The following USH2A variants were observed in gnomAD, a reference collection of about 807,000 sequenced individuals.
The protein encoded by USH2A is Usher syndrome 2A (autosomal recessive, mild).
USH2A carries 443 observed loss-of-function variants against 538.9 expected under a neutral mutation model. That is an observed-to-expected ratio of 0.82 (90% CI 0.76 to 0.89). The LOEUF (loss-of-function observed/expected upper bound fraction) is 0.89. Ranked by LOEUF, USH2A falls within the 40% of genes least tolerant of loss-of-function variation. The pLI, the probability that USH2A is intolerant of heterozygous loss-of-function variation, is 0.00. For synonymous variants in USH2A, 2,413 were observed against 2,273.5 expected, an observed-to-expected ratio of 1.06 and a Z score of -1.75; for missense variants, 6,633 against 6,324.8, an observed-to-expected ratio of 1.05 and a Z score of -1.65.
chr1:215,700,901 G>A (rs1658991847), intron 61 of USH2A, among the ~76,000 whole-genome samples: 1 of 152,088 alleles, frequency 6.6e-6, no homozygotes, highest in Admixed American at 6.6e-5. Context: ...TGTGATGTTA[G>A]GGTGTTGATT....
chr1:215,830,466 G>A (rs149928277), intron 47 of USH2A, among the ~76,000 whole-genome samples: 113 of 151,676 alleles, frequency 7.5e-4, no homozygotes, highest in African/African-American at 2.6e-3. Context: ...TTTTTTTCTC[G>A]AATTCCTCTT....
intron 21 of USH2A, among the ~76,000 whole-genome samples, chr1:216,153,002 C>A (rs1052685862): frequency 6.6e-6 from 1 of 152,150 alleles, no homozygotes; most frequent in Non-Finnish European, 1.5e-5. Flanking sequence ...GAGAGGATTT[C>A]GGCTGGGGTT....
At chr1:216,286,002 T>C (rs1443475777) in intron 11 of USH2A, among the ~76,000 whole-genome samples, 1 of 152,200 alleles carries the variant, frequency 6.6e-6, no homozygotes, top group East Asian at 1.9e-4. Context: ...AGAAGGGACA[T>C]GCCTTGCCTC....
chr1:215,887,934 A>G (rs1357221266), intron 41 of USH2A, among the ~76,000 whole-genome samples: 1 of 152,236 alleles, frequency 6.6e-6, no homozygotes, highest in Non-Finnish European at 1.5e-5. Context: ...TATCCTGTCC[A>G]CTAGAGTTCA....
chr1:216,192,342 CT>C (rs908549501), intron 19 of USH2A, among the ~76,000 whole-genome samples: 3 of 152,120 alleles, frequency 2.0e-5, no homozygotes, highest in Admixed American at 2.0e-4. Context: ...TGTTCTGCTA[CT>C]TTTGATTTCA....
At position 215,675,062 on chromosome 1, in the gene USH2A, A is replaced by G. The variant is rs1657967767; in HGVS notation, c.12849T>C (p.Ile4283=). Residue 4283 remains isoleucine, a synonymous_variant, in exon 63 of 72, where the codon ATT becomes ATC. Coordinates refer to ENST00000307340, the MANE Select transcript of USH2A (RefSeq NM_206933.4). ...YVSMNPQKLL[I]SWIPPEQSNG... ...TAGACTGTTCTGGTGGGATCCAGGA[A>G]ATCAGCAGTTTTTGGGGATTCATAG... 1 of 1,614,146 alleles carries G rather than the reference A, an allele frequency of 6.2e-7. No individual in the cohort carries two copies.
chr1:216,202,327 G>A (rs2035018282), intron 16 of USH2A, among the ~76,000 whole-genome samples: 1 of 152,174 alleles, frequency 6.6e-6, no homozygotes, highest in African/African-American at 2.4e-5. Context: ...TACAAGAGCA[G>A]TCTACTTAAT....
intron 21 of USH2A, among the ~76,000 whole-genome samples, chr1:216,173,541 G>C (rs1445002773): frequency 6.6e-6 from 1 of 152,148 alleles, no homozygotes; most frequent in African/African-American, 2.4e-5. Flanking sequence ...TAGACAGAAG[G>C]ATCCTGCTTA....
chr1:216,059,840 G>A (rs2102536877), intron 30 of USH2A, among the ~76,000 whole-genome samples: 1 of 152,200 alleles, frequency 6.6e-6, no homozygotes, highest in African/African-American at 2.4e-5. Flanking sequence ...TCTATATGGG[G>A]CATGACAGAG....
At chr1:216,087,653 G>C (rs1194674996) in intron 23 of USH2A, among the ~76,000 whole-genome samples, 1 of 152,092 alleles carries the variant, frequency 6.6e-6, no homozygotes, top group Non-Finnish European at 1.5e-5. Context: ...GCATGAGCTA[G>C]ATTTAGCCCA....
At chr1:216,197,431 T>G (rs571320331) in intron 18 of USH2A, among the ~76,000 whole-genome samples, 20 of 152,254 alleles carry the variant, frequency 1.3e-4, no homozygotes, top group African/African-American at 4.6e-4. Context: ...TTTCTGACCT[T>G]GATTTTCCCC....
At chr1:216,009,927 T>C (rs1043840869) in intron 32 of USH2A, among the ~76,000 whole-genome samples, 12 of 152,122 alleles carry the variant, frequency 7.9e-5, no homozygotes, top group Admixed American at 5.2e-4. Flanking sequence ...CTGTTTTTCA[T>C]CAAATATAAA....
chr1:215,691,981 C>T (rs962333172), intron 61 of USH2A, among the ~76,000 whole-genome samples: 13 of 151,870 alleles, frequency 8.6e-5, no homozygotes, highest in South Asian at 4.2e-4. Flanking sequence ...GGACAGCAGC[C>T]GAAAGGAAAT....
rs778174721 is a variant in USH2A, at chr1:215,671,047, T to A, written c.14058A>T (p.Pro4686=). The part of the protein sequence containing the change: ...QIATQPRKSN[P]VLIYNGSSTS... The stretch of plus-strand genomic sequence containing the variant: ...TTGAGCTTCCGTTATAGATTAGGAC[T>A]GGATTGGATTTTCTAGGCTGAGTTG... The change falls in exon 64 of 72, where the codon CCA becomes CCT. Residue 4686 remains proline (P), a synonymous_variant. Coordinates refer to ENST00000307340, the MANE Select transcript of USH2A (RefSeq NM_206933.4). 6.2e-7 allele frequency: 1 copy of A among 1,614,184 alleles called. No homozygotes were observed. The highest frequency in any genetic ancestry group is 8.5e-7 in the Non-Finnish European group (1 of 1,180,020).
rs867259487 is a variant in USH2A at position 215,674,213 on chromosome 1, G to T, written c.13698C>A (p.Thr4566=). ...VRTNGDIINY[T]LFIRELFERE... is the part of the protein sequence containing the mutation. ...TTTCAAATAGTTCACGGATGAAGAG[G>T]GTATAATTGATGATATCACCATTTG... Residue 4566 remains threonine (T), a synonymous_variant, in exon 63 of 72, where the codon ACC becomes ACA. Transcript: ENST00000307340. 1.2e-6 allele frequency: 2 copies of T among 1,614,080 alleles called. No individual in the cohort carries two copies. Among genetic ancestry groups the T allele is most frequent in the East Asian group, 4.5e-5 (2 of 44,866 alleles).
intron 11 of USH2A, among the ~76,000 whole-genome samples, chr1:216,257,890 T>C (rs2036289605): frequency 6.6e-6 from 1 of 152,062 alleles, no homozygotes; most frequent in Admixed American, 6.6e-5. Context: ...GGTTTTTCTC[T>C]GGAATTTTGA....
At chr1:216,135,816 A>G in intron 21 of USH2A, among the ~76,000 whole-genome samples, 1 of 152,146 alleles carries the variant, frequency 6.6e-6, no homozygotes, top group Non-Finnish European at 1.5e-5. Context: ...GAAAAATAAA[A>G]TGAATGATTA....
At chr1:215,954,641 C>A (rs1413718946) in intron 37 of USH2A, among the ~76,000 whole-genome samples, 1 of 151,468 alleles carries the variant, frequency 6.6e-6, no homozygotes, top group Non-Finnish European at 1.5e-5. Context: ...GTGCAGCACA[C>A]CAACATGGCA....
intron 43 of USH2A, among the ~76,000 whole-genome samples, chr1:215,874,063 T>G (rs2102447060): frequency 6.6e-6 from 1 of 152,288 alleles, no homozygotes. Flanking sequence ...GGCAGTGTTG[T>G]TAGGTGCTGA....
Sources: allele counts gnomAD v4.1 joint callset (sites outside exome capture counted in the v4.1 genomes callset), GRCh38; gene constraint gnomAD v4.1.1; transcripts MANE v1.5; gene names NCBI Gene and HGNC (gene_info 2026-07-23, HGNC 2026-07-21).